Variants in SLC9D1 observed in about 807,000 individuals in gnomAD.
The protein encoded by SLC9D1 is putative LAG1-interacting protein.
chr13:113,507,907 A>T, the SLC9D1 span, among the ~76,000 whole-genome samples: 1 of 152,218 alleles, frequency 6.6e-6, no homozygotes, highest in East Asian at 1.9e-4. Context: ...GGGGGTGCCA[A>T]GGGGCCCTCC....
the SLC9D1 span, among the ~76,000 whole-genome samples, chr13:113,497,928 T>G: frequency 1.5e-4 from 23 of 152,380 alleles, no homozygotes; most frequent in Non-Finnish European, 2.9e-4. Flanking sequence ...GGAACAGCTT[T>G]CCCTTGTAAC....
At chr13:113,502,440 C>T in the SLC9D1 span, among the ~76,000 whole-genome samples, 4 of 152,128 alleles carry the variant, frequency 2.6e-5, no homozygotes, top group Admixed American at 1.3e-4. Context: ...GTCTTGAACT[C>T]CTGACCTCAT....
chr13:113,510,706 G>T, the SLC9D1 span, among the ~76,000 whole-genome samples: 1 of 152,206 alleles, frequency 6.6e-6, no homozygotes. Context: ...TGAAAAACCA[G>T]TCAGCACTGG....
the SLC9D1 span, among the ~76,000 whole-genome samples, chr13:113,516,579 AG>A: frequency 0.15 from 21,387 of 143,898 alleles, 1,781 homozygotes; most frequent in Admixed American, 0.23. Context: ...AAAAAAAAAA[AG>A]AAAAGAAAAG....
At chr13:113,535,054 G>C in the SLC9D1 span, 8 of 152,446 alleles carry the variant, frequency 5.2e-5, no homozygotes, top group East Asian at 1.5e-3. The surrounding 1 kb of genome is among the most constrained non-coding windows in gnomAD (Gnocchi z 4.1). Context: ...CTGCACTCCA[G>C]CCTGGGCGAC....
At chr13:113,548,384 G>T in the SLC9D1 span, 7 of 1,613,406 alleles carry the variant, frequency 4.3e-6, no homozygotes, top group South Asian at 7.7e-5. Context: ...TGCGGGGCTT[G>T]CCCAGGTCAG....
At chr13:113,516,018 A>G in the SLC9D1 span, among the ~76,000 whole-genome samples, 1 of 151,924 alleles carries the variant, frequency 6.6e-6, no homozygotes, top group Non-Finnish European at 1.5e-5. Context: ...TTTTCTACAT[A>G]TGAGATAATC....
chr13:113,548,377 G>C, the SLC9D1 span: 1 of 1,613,738 alleles, frequency 6.2e-7, no homozygotes, highest in Non-Finnish European at 8.5e-7. Context: ...TCGTCTCTGC[G>C]GGGCTTGCCC....
the SLC9D1 span, chr13:113,548,525 G>A: frequency 7.7e-5 from 116 of 1,516,338 alleles, no homozygotes; most frequent in South Asian, 6.6e-4. Flanking sequence ...CGGGTGTGGC[G>A]AAGGCGGCTC....
At chr13:113,507,138 G>A in the SLC9D1 span, among the ~76,000 whole-genome samples, 3 of 152,040 alleles carry the variant, frequency 2.0e-5, no homozygotes, top group Non-Finnish European at 2.9e-5. Context: ...TGGCGCTGAC[G>A]AGGGTCTCCC....
At chr13:113,503,239 A>G in the SLC9D1 span, among the ~76,000 whole-genome samples, 11 of 152,224 alleles carry the variant, frequency 7.2e-5, no homozygotes, top group Non-Finnish European at 1.5e-4. Flanking sequence ...TTCTTAATAA[A>G]TCAGCTAAAC....
chr13:113,537,974 T>C, the SLC9D1 span, among the ~76,000 whole-genome samples: 1 of 149,800 alleles, frequency 6.7e-6, no homozygotes, highest in Non-Finnish European at 1.5e-5. Context: ...CTTTGTGGTG[T>C]GTACATGTAT....
chr13:113,512,107 G>A, the SLC9D1 span: 1 of 103,788 alleles, frequency 9.6e-6, no homozygotes, highest in African/African-American at 5.4e-5. Context: ...GGACTGGAGA[G>A]GGAGAGGGTT....
chr13:113,503,254 G>T, the SLC9D1 span, among the ~76,000 whole-genome samples: 28,143 of 151,836 alleles, frequency 0.19, 3,447 homozygotes, highest in African/African-American at 0.35. Context: ...CTAAACCATG[G>T]AAAATAATGT....
the SLC9D1 span, among the ~76,000 whole-genome samples, chr13:113,492,838 C>T: frequency 1.6e-4 from 25 of 152,080 alleles, no homozygotes; most frequent in African/African-American, 5.6e-4. Context: ...GCAAAGGTTG[C>T]AGTGAGCTGA....
the SLC9D1 span, among the ~76,000 whole-genome samples, chr13:113,519,383 C>T: frequency 0.022 from 3,243 of 144,436 alleles, 107 homozygotes; most frequent in African/African-American, 0.068. Context: ...GTACCTTGTT[C>T]GGGGTGGGGT....
chr13:113,531,210 G>T, the SLC9D1 span, among the ~76,000 whole-genome samples: 1 of 152,266 alleles, frequency 6.6e-6, no homozygotes, highest in African/African-American at 2.4e-5. Context: ...CTGAGCAAAT[G>T]ATGGTGCGTC....
chr13:113,506,288 G>A, the SLC9D1 span, among the ~76,000 whole-genome samples: 1 of 106,130 alleles, frequency 9.4e-6, no homozygotes, highest in South Asian at 3.3e-4. Context: ...AGTGGGCCGC[G>A]TGCTGCCTGG....
the SLC9D1 span, chr13:113,539,504 A>G: frequency 2.2e-5 from 35 of 1,611,606 alleles, no homozygotes; most frequent in Admixed American, 6.7e-5. The surrounding 1 kb of genome is among the most constrained non-coding windows in gnomAD (Gnocchi z 4.8). Flanking sequence ...CTTCGCCTCC[A>G]TAGGTAATCT....
Sources: allele counts gnomAD v4.1 joint callset (sites outside exome capture counted in the v4.1 genomes callset), GRCh38; gene constraint gnomAD v4.1.1; non-coding constraint Gnocchi (gnomAD v3.1); transcripts MANE v1.5; gene names NCBI Gene and HGNC (gene_info 2026-07-23, HGNC 2026-07-21).